SUGCT: variants seen among roughly 807,000 people sequenced by gnomAD.
The protein encoded by SUGCT is succinyl-CoA:glutarate CoA-transferase.
Under a neutral mutation model 55.0 loss-of-function variants are expected in SUGCT, and 41 were observed. The ratio of observed to expected loss-of-function variants is 0.74; its 90% CI spans 0.58 to 0.97. The LOEUF (loss-of-function observed/expected upper bound fraction) is 0.97, where lower values mean the gene tolerates loss of function less well. Among genes scored for constraint, SUGCT ranks in the 50% least tolerant of loss-of-function variants. SUGCT has a pLI of 0.00. For synonymous variants in SUGCT, 187 were observed against 200.4 expected (o/e 0.93, Z 0.56); for missense variants, 568 against 547.8 (o/e 1.04, Z -0.37).
chr7:40,611,841 A>G (rs865868275), intron 12 of SUGCT, among the ~76,000 whole-genome samples: 2 of 152,182 alleles, frequency 1.3e-5, no homozygotes, highest in Middle Eastern at 3.2e-3. Context: ...TAAAGAAGTT[A>G]CCCAGGGTCA....
At chr7:40,693,418 A>G (rs1244935731) in intron 12 of SUGCT, among the ~76,000 whole-genome samples, 2 of 152,220 alleles carry the variant, frequency 1.3e-5, no homozygotes, top group African/African-American at 2.4e-5. Context: ...GCATTCATGC[A>G]TTGAATTTTT....
chr7:40,201,027 G>A (rs1216476388), intron 6 of SUGCT, among the ~76,000 whole-genome samples: 1 of 152,104 alleles, frequency 6.6e-6, no homozygotes, highest in African/African-American at 2.4e-5. Flanking sequence ...CTGTGTGTGT[G>A]TGTTCTTATT....
chr7:40,197,915 G>T (rs1324180396), intron 6 of SUGCT, among the ~76,000 whole-genome samples: 1 of 152,168 alleles, frequency 6.6e-6, no homozygotes, highest in Non-Finnish European at 1.5e-5. Context: ...AGGGTCAAAA[G>T]TTCTTCTGGG....
chr7:40,160,885 T>TG (rs1784110024), intron 1 of SUGCT, among the ~76,000 whole-genome samples: 1 of 152,080 alleles, frequency 6.6e-6, no homozygotes, highest in Non-Finnish European at 1.5e-5. Flanking sequence ...TTATGGAAGA[T>TG]GATAGAGAAC....
chr7:40,271,124 G>T (rs1176955405), intron 7 of SUGCT, among the ~76,000 whole-genome samples: 3 of 152,056 alleles, frequency 2.0e-5, no homozygotes, highest in African/African-American at 7.2e-5. Context: ...ATATAAGACT[G>T]GGTCATCTGC....
chr7:40,394,604 T>C (rs565009774), intron 9 of SUGCT, among the ~76,000 whole-genome samples: 1 of 152,344 alleles, frequency 6.6e-6, no homozygotes, highest in African/African-American at 2.4e-5. Flanking sequence ...ATCGTCACCA[T>C]GTTGTGCAAT....
rs373204689 is a variant in SUGCT at position 40,656,957 on chromosome 7, A to G, written c.1090-92477A>G. On this transcript the variant is annotated intron_variant, in intron 12 of 13. Coordinates refer to ENST00000335693, the MANE Select transcript of SUGCT (RefSeq NM_001193313.2). ...AGAGATACACTGCTCTTGTCATAGC[A>G]GAAGTATGCTGCATGCACCTGCAGT... 3.6e-4 allele frequency among the ~76,000 whole-genome samples: 55 copies of G among 152,354 alleles called. 1 individual carries two copies. The South Asian group carries it at 0.011, about 30-fold the overall frequency.
intron 12 of SUGCT, among the ~76,000 whole-genome samples, chr7:40,537,660 A>G (rs1794440645): frequency 6.6e-6 from 1 of 152,236 alleles, no homozygotes; most frequent in Non-Finnish European, 1.5e-5. Flanking sequence ...ATTCAAATGT[A>G]CTGGACTGTT....
At chr7:41,014,683 G>T in the SUGCT span, among the ~76,000 whole-genome samples, 29 of 152,268 alleles carry the variant, frequency 1.9e-4, no homozygotes, top group Admixed American at 1.6e-3. Flanking sequence ...CAATTACTAA[G>T]GGGATGGTTT....
At chr7:41,000,745 G>T in the SUGCT span, among the ~76,000 whole-genome samples, 14 of 152,154 alleles carry the variant, frequency 9.2e-5, no homozygotes, top group Non-Finnish European at 1.8e-4. Flanking sequence ...AAGAAATCAG[G>T]ATGATAAGTG....
intron 12 of SUGCT, among the ~76,000 whole-genome samples, chr7:40,745,999 A>G (rs1787710955): frequency 1.3e-5 from 2 of 152,184 alleles, no homozygotes; most frequent in African/African-American, 4.8e-5. Context: ...GAAAAGAACA[A>G]GGAAACATTT....
Position 40,742,891 on chromosome 7 carries a change from G to A in SUGCT, c.1090-6543G>A, listed in dbSNP as rs548759743. Among the ~76,000 whole-genome samples the A allele has an allele frequency of 6.6e-5, 10 of 152,236 alleles. No individual in the cohort carries two copies. In the South Asian group the frequency reaches 2.1e-3, roughly 32 times the overall value. ...ATTATGCTAAAGGAATGACTAAATTGCTAAAATGGGAAATAAAATAAAGAA... is the reference window on the plus strand; with the variant it reads ...ATTATGCTAAAGGAATGACTAAATTACTAAAATGGGAAATAAAATAAAGAA... On this transcript the variant is annotated intron_variant, in intron 12 of 13. Coordinates refer to ENST00000335693, the MANE Select transcript of SUGCT (RefSeq NM_001193313.2).
chr7:40,725,196 T>A (rs1293903898), intron 12 of SUGCT, among the ~76,000 whole-genome samples: 2 of 152,176 alleles, frequency 1.3e-5, no homozygotes, highest in Non-Finnish European at 2.9e-5. Flanking sequence ...TCAGGAAGCA[T>A]CAGCATCACC....
intron 10 of SUGCT, among the ~76,000 whole-genome samples, chr7:40,451,442 T>C (rs1473127560): frequency 1.3e-5 from 2 of 152,224 alleles, no homozygotes; most frequent in East Asian, 3.8e-4. Flanking sequence ...GAAGTTTTAG[T>C]ACTGAAATAT....
chr7:40,859,667 T>C (rs1794387468), intron 13 of SUGCT, among the ~76,000 whole-genome samples: 1 of 152,240 alleles, frequency 6.6e-6, no homozygotes, highest in Non-Finnish European at 1.5e-5. Flanking sequence ...CTGAAGTCTG[T>C]ATAGTAAACA....
intron 13 of SUGCT, among the ~76,000 whole-genome samples, chr7:40,853,666 G>C (rs1384624044): frequency 6.6e-6 from 1 of 152,150 alleles, no homozygotes; most frequent in Non-Finnish European, 1.5e-5. Flanking sequence ...CACCCAGCCT[G>C]ATATAAGCTC....
At chr7:40,291,418 C>T (rs1478515844) in intron 8 of SUGCT, among the ~76,000 whole-genome samples, 1 of 147,068 alleles carries the variant, frequency 6.8e-6, no homozygotes, top group Non-Finnish European at 1.5e-5. Context: ...AAAAACCAGA[C>T]ACCACATGTT....
At chr7:40,705,790 A>G (rs1785369166) in intron 12 of SUGCT, among the ~76,000 whole-genome samples, 1 of 152,200 alleles carries the variant, frequency 6.6e-6, no homozygotes, top group Non-Finnish European at 1.5e-5. Context: ...TACTGGGACA[A>G]CAGGGAAAAC....
chr7:40,829,591 CA>C (rs1055620098), intron 13 of SUGCT, among the ~76,000 whole-genome samples: 8 of 151,862 alleles, frequency 5.3e-5, no homozygotes, highest in African/African-American at 1.2e-4. Context: ...AAAGCAGTAA[CA>C]AAAAAAAGGA....
Sources: gnomAD v4.1 joint callset for allele counts (sites outside exome capture counted in the v4.1 genomes callset) on GRCh38, gnomAD v4.1.1 for gene constraint, MANE v1.5 for transcripts, NCBI Gene and HGNC (gene_info 2026-07-23, HGNC 2026-07-21) for gene names.